The following MINDY2 variants were observed in gnomAD, a reference collection of about 807,000 sequenced individuals.
MINDY2 encodes the protein ubiquitin carboxyl-terminal hydrolase MINDY-2.
In MINDY2, 52 loss-of-function variants were observed where a neutral mutation model predicts 68.2. The observed-to-expected ratio is 0.76, with a 90% CI of 0.61 to 0.96. The LOEUF (loss-of-function observed/expected upper bound fraction) is 0.96. Among genes scored for constraint, MINDY2 ranks in the 40% least tolerant of loss-of-function variants. MINDY2 has a pLI of 0.00. For synonymous variants in MINDY2, 372 were observed against 303.0 expected (o/e 1.23, Z -2.36); for missense variants, 881 against 773.4 (o/e 1.14, Z -1.65).
intron 5 of MINDY2, among the ~76,000 whole-genome samples, chr15:58,829,334 C>T (rs1373594393): frequency 6.6e-6 from 1 of 152,128 alleles, no homozygotes; most frequent in African/African-American, 2.4e-5. Flanking sequence ...ATTCAAGTGG[C>T]ATTTATAATA....
intron 6 of MINDY2, among the ~76,000 whole-genome samples, chr15:58,841,949 A>C (rs1355649246): frequency 1.3e-5 from 2 of 152,008 alleles, no homozygotes; most frequent in Non-Finnish European, 2.9e-5. Context: ...TCCTATCCTT[A>C]CCTAATTCTA....
rs752541990 is a variant in MINDY2, at chr15:58,771,697, C to T, written c.302C>T (p.Pro101Leu). The T allele has an allele frequency of 3.6e-5, 58 of 1,612,476 alleles. 2 individuals are homozygous for T. The Middle Eastern group carries it at 6.7e-4, about 19-fold the overall frequency. ...GLESPAAAEA[P>L]LRGQYKVTAS... is the part of the protein sequence containing the mutation. ...GAGAGTCCTGCTGCCGCCGAGGCGC[C>T]TCTGAGAGGGCAGTACAAGGTGACC... Residue 101 changes from proline to leucine, a missense_variant, in exon 1 of 9, where the codon CCT becomes CTT. Transcript: ENST00000559228.
intron 3 of MINDY2, among the ~76,000 whole-genome samples, chr15:58,809,627 AC>A (rs2030081062): frequency 6.6e-6 from 1 of 152,076 alleles, no homozygotes; most frequent in South Asian, 2.1e-4. Context: ...TTGACTTTGG[AC>A]TTTGTGGTCT....
At chr15:58,774,032 T>G (rs1278097269) in intron 1 of MINDY2, among the ~76,000 whole-genome samples, 1 of 152,236 alleles carries the variant, frequency 6.6e-6, no homozygotes, top group Non-Finnish European at 1.5e-5. Context: ...CTTTAGTCTT[T>G]TTTCTTATGT....
rs2033121254 is a variant in MINDY2 at position 58,858,278 on chromosome 15, G to C, written c.*3668G>C. ...CTTGTTTTTATTGTCTCACATTTCT[G>C]ATATTGACTACTTATCCCATATTCT... On this transcript the variant is annotated 3_prime_UTR_variant, in exon 9 of 9. Coordinates refer to ENST00000559228, the MANE Select transcript of MINDY2 (RefSeq NM_001040450.3). The C allele has an allele frequency of 6.6e-6, 1 of 152,078 alleles. No homozygotes were observed. Among genetic ancestry groups the C allele is most frequent in the African/African-American group, 2.4e-5 (1 of 41,424 alleles). The allele number at this position is 152,078 out of a possible 1,614,324, so 9.4% of individuals were successfully genotyped here. A position where few individuals can be genotyped will look rare whatever the true frequency, so the allele number is the denominator to read the frequency against.
intron 7 of MINDY2, among the ~76,000 whole-genome samples, chr15:58,848,267 A>G (rs1033518010): frequency 3.9e-5 from 6 of 152,200 alleles, no homozygotes; most frequent in African/African-American, 1.4e-4. Flanking sequence ...AAGACTGTTC[A>G]GTTAGCCAAT....
intron 8 of MINDY2, among the ~76,000 whole-genome samples, chr15:58,853,819 TAAAAAAAA>T (rs10563818): frequency 2.0e-5 from 2 of 102,202 alleles, no homozygotes; most frequent in Admixed American, 1.1e-4. Flanking sequence ...TCCATCTCAA[TAAAAAAAA>T]AAAAAAAAAA....
intron 1 of MINDY2, among the ~76,000 whole-genome samples, chr15:58,787,480 G>T (rs922135842): frequency 4.0e-5 from 6 of 151,518 alleles, no homozygotes; most frequent in African/African-American, 1.4e-4. Context: ...GCTCACACCT[G>T]TAATCCCAGC....
chr15:58,771,696 C>T lies in MINDY2; in HGVS notation c.301C>T (p.Pro101Ser), dbSNP rs781232058. 6 of 1,612,466 alleles carry T rather than the reference C, an allele frequency of 3.7e-6. No individual in the cohort carries two copies. The highest frequency in any genetic ancestry group is 4.5e-5 in the East Asian group (2 of 44,864). The stretch of plus-strand genomic sequence containing the variant: ...GGAGAGTCCTGCTGCCGCCGAGGCG[C>T]CTCTGAGAGGGCAGTACAAGGTGAC... ...GLESPAAAEA[P>S]LRGQYKVTAS... The change falls in exon 1 of 9, where the codon CCT becomes TCT. Residue 101 changes from proline (P) to serine (S), a missense_variant. Physicochemically the swap from Pro to Ser is moderately conservative, Grantham distance 74. Coordinates refer to ENST00000559228, the MANE Select transcript of MINDY2 (RefSeq NM_001040450.3).
At chr15:58,801,282 C>G (rs1278914013) in intron 2 of MINDY2, among the ~76,000 whole-genome samples, 2 of 145,844 alleles carry the variant, frequency 1.4e-5, no homozygotes, top group African/African-American at 2.5e-5. Flanking sequence ...CCCAGTTTAG[C>G]TTTTACAGTT....
At chr15:58,847,020 C>G (rs550331573) in intron 6 of MINDY2, among the ~76,000 whole-genome samples, 1 of 151,998 alleles carries the variant, frequency 6.6e-6, no homozygotes, top group African/African-American at 2.4e-5. Flanking sequence ...GATTATAAAC[C>G]CCCCCAAAGG....
intron 1 of MINDY2, among the ~76,000 whole-genome samples, chr15:58,778,810 C>CTTTTTTTTTTTTTTTTTTTT (rs1182523003): frequency 8.7e-6 from 1 of 114,374 alleles, no homozygotes; most frequent in Non-Finnish European, 1.7e-5. Flanking sequence ...TTCTTTTTTT[C>CTTTTTTTTTTTTTTTTTTTT]TTTTTTTTTT....
intron 8 of MINDY2, 36 bp downstream of exon 8, chr15:58,852,001 T>C (rs2032839706): frequency 6.7e-7 from 1 of 1,484,692 alleles, no homozygotes; most frequent in East Asian, 2.4e-5. Flanking sequence ...AATGTGATGA[T>C]CATGGCTGGG....
intron 6 of MINDY2, among the ~76,000 whole-genome samples, chr15:58,843,339 C>T (rs752998824): frequency 1.6e-4 from 25 of 152,000 alleles, no homozygotes; most frequent in Admixed American, 5.9e-4. Context: ...TTAGTAGAGA[C>T]GGGGTTTCAC....
chr15:58,820,265 AAAACAAACAAAC>A (rs533263549), intron 4 of MINDY2, among the ~76,000 whole-genome samples: 1 of 151,126 alleles, frequency 6.6e-6, no homozygotes, highest in Non-Finnish European at 1.5e-5. Flanking sequence ...ATTCCATCTC[AAAACAAACAAAC>A]AAACAAACAA....
At chr15:58,780,838 C>T (rs1901087359) in intron 1 of MINDY2, among the ~76,000 whole-genome samples, 1 of 152,152 alleles carries the variant, frequency 6.6e-6, no homozygotes, top group African/African-American at 2.4e-5. Context: ...GTTTCTACTG[C>T]TACTACCCTA....
rs780140528 is a variant in MINDY2 at position 58,838,582 on chromosome 15, A to ATTTTTTTT, written c.1368+6681_1368+6688dup. On this transcript the variant is annotated intron_variant, in intron 6 of 8. Transcript: ENST00000559228. ...TTGTTAGTGGGGCTACTTTTTAGGG[A>ATTTTTTTT]TTTTTTTTTTTTTTTTTTTTTTGAG... Among the ~76,000 whole-genome samples the ATTTTTTTT allele has an allele frequency of 1.3e-3, 122 of 93,076 alleles. 9 individuals carry two copies. Among genetic ancestry groups the ATTTTTTTT allele is most frequent in the East Asian group, 3.4e-3 (8 of 2,330 alleles). 61.1% of individuals were successfully genotyped at this position (93,076 alleles called of 152,430 possible).
intron 6 of MINDY2, among the ~76,000 whole-genome samples, chr15:58,841,425 G>C (rs1325876543): frequency 7.1e-6 from 1 of 140,364 alleles, no homozygotes; most frequent in Admixed American, 7.2e-5. Context: ...TTTTTTTTGA[G>C]ACAGAGTTTC....
intron 2 of MINDY2, among the ~76,000 whole-genome samples, chr15:58,794,457 A>T (rs1406218363): frequency 2.0e-5 from 3 of 151,152 alleles, no homozygotes; most frequent in African/African-American, 7.3e-5. Flanking sequence ...AGGGTATTGG[A>T]AGAGACATCT....
Sources: gnomAD v4.1 joint callset for allele counts (sites outside exome capture counted in the v4.1 genomes callset) on GRCh38, gnomAD v4.1.1 for gene constraint, MANE v1.5 for transcripts, NCBI Gene and HGNC (gene_info 2026-07-23, HGNC 2026-07-21) for gene names.